Variants in CHRNA7 observed in about 807,000 individuals in gnomAD.
The protein encoded by CHRNA7 is neuronal acetylcholine receptor subunit alpha-7.
CHRNA7 carries 17 observed loss-of-function variants against 48.0 expected under a neutral mutation model. The ratio of observed to expected loss-of-function variants is 0.35; its 90% CI spans 0.24 to 0.53. The LOEUF is 0.53. CHRNA7 is among the 20% of genes least tolerant of loss of function. The pLI, the probability that CHRNA7 is intolerant of heterozygous loss-of-function variation, is 0.92. For synonymous variants in CHRNA7, 75 were observed against 242.3 expected (o/e 0.31, Z 6.41); for missense variants, 155 against 577.7 (o/e 0.27, Z 7.50).
intron 4 of CHRNA7, among the ~76,000 whole-genome samples, chr15:32,116,236 TCTCA>T (rs1313925709): frequency 6.6e-6 from 1 of 152,202 alleles, no homozygotes; most frequent in Non-Finnish European, 1.5e-5. Context: ...CTGTCCTATT[TCTCA>T]CTCTATTCTC....
intron 4 of CHRNA7, among the ~76,000 whole-genome samples, chr15:32,128,657 G>A (rs1292536181): frequency 6.6e-6 from 1 of 150,830 alleles, no homozygotes; most frequent in East Asian, 1.9e-4. Flanking sequence ...TTTTTTAATT[G>A]TTTTTGTTTT....
intron 2 of CHRNA7, among the ~76,000 whole-genome samples, chr15:32,032,556 A>G (rs1313902751): frequency 2.6e-5 from 4 of 152,218 alleles, no homozygotes; most frequent in Admixed American, 1.3e-4. Flanking sequence ...AACCACATGA[A>G]AAAGGACCAG....
At chr15:32,070,053 C>A (rs945542567) in intron 2 of CHRNA7, among the ~76,000 whole-genome samples, 1 of 151,962 alleles carries the variant, frequency 6.6e-6, no homozygotes, top group African/African-American at 2.4e-5. Flanking sequence ...GAATTATAAA[C>A]CTTTTTAAAA....
Position 32,061,129 on chromosome 15 carries a change from A to G in CHRNA7, c.195+30092A>G, listed in dbSNP as rs35376668. ...CTCCCGATGTTGTTGATTGGATACC[A>G]ATGCTGGCCAGATTCATGGTGCTTG... On this transcript the variant is annotated intron_variant, in intron 2 of 9. Transcript: ENST00000306901. Among the ~76,000 whole-genome samples the G allele has an allele frequency of 5.2e-3, 787 of 152,300 alleles. 6 individuals carry two copies. Among genetic ancestry groups the G allele is most frequent in the Middle Eastern group, 0.027 (8 of 294 alleles).
intron 2 of CHRNA7, among the ~76,000 whole-genome samples, chr15:32,089,688 T>C (rs985780865): frequency 1.3e-5 from 2 of 152,222 alleles, no homozygotes; most frequent in Non-Finnish European, 2.9e-5. Context: ...TTGTATCATA[T>C]CTAAGTCCTG....
At chr15:32,074,823 A>G (rs1038974518) in intron 2 of CHRNA7, among the ~76,000 whole-genome samples, 6 of 151,738 alleles carry the variant, frequency 4.0e-5, no homozygotes, top group African/African-American at 1.5e-4. Context: ...AATTTTTTGT[A>G]GTTTCATTAG....
intron 2 of CHRNA7, among the ~76,000 whole-genome samples, chr15:32,076,637 T>G (rs2050140184): frequency 6.6e-6 from 1 of 152,204 alleles, no homozygotes; most frequent in Non-Finnish European, 1.5e-5. Context: ...TAGAGCAGTT[T>G]TAGGTTTACA....
chr15:32,148,782 G>C (rs1239227098), intron 4 of CHRNA7, among the ~76,000 whole-genome samples: 2 of 152,220 alleles, frequency 1.3e-5, no homozygotes, highest in Non-Finnish European at 2.9e-5. Context: ...CAAACACCAT[G>C]ATCCAGGCAA....
chr15:32,069,934 C>A (rs1249990879), intron 2 of CHRNA7, among the ~76,000 whole-genome samples: 1 of 152,106 alleles, frequency 6.6e-6, no homozygotes, highest in Admixed American at 6.5e-5. Flanking sequence ...GAAAGTACTA[C>A]ATATGCTATT....
At position 32,149,092 on chromosome 15, in the gene CHRNA7, C is replaced by T. The variant is rs2141354018; in HGVS notation, c.351-4815C>T. ...CTGGCTGGGGGAGGACAAAGGCAGC[C>T]AGATAAAGGCAGCTCCTGCAAGGAC... On this transcript the variant is annotated intron_variant, in intron 4 of 9. Coordinates refer to ENST00000306901, the MANE Select transcript of CHRNA7 (RefSeq NM_000746.6). This position sits in a 1 kb window ranked among gnomAD's most constrained non-coding sequence, Gnocchi z 4.6. Among the ~76,000 whole-genome samples, 1 of 152,332 alleles carries T rather than the reference C, an allele frequency of 6.6e-6. No homozygotes were observed. Among genetic ancestry groups the T allele is most frequent in the South Asian group, 2.1e-4 (1 of 4,832 alleles).
rs1289693030 is a variant in CHRNA7 at position 32,137,037 on chromosome 15, A to AAATAAAAAAT, written c.351-16868_351-16867insTAAAAAATAA. Among the ~76,000 whole-genome samples, 848 of 146,602 alleles carry AAATAAAAAAT rather than the reference A, an allele frequency of 5.8e-3. 16 individuals are homozygous for AAATAAAAAAT. The highest frequency in any genetic ancestry group is 0.021 in the African/African-American group (805 of 38,598). On this transcript the variant is annotated intron_variant, in intron 4 of 9. Transcript: ENST00000306901. ...ACAGAGCGAGACTCCGTCTCAAAAAAAAAAAAAAAGAAAAAAAAAAGAAAA... is the reference window on the plus strand; with the variant it reads ...ACAGAGCGAGACTCCGTCTCAAAAAAAATAAAAAATAAAAAAAAAGAAAAAAAAAAGAAAA...
intron 4 of CHRNA7, among the ~76,000 whole-genome samples, chr15:32,129,721 G>T (rs1229374719): frequency 6.6e-6 from 1 of 150,960 alleles, no homozygotes; most frequent in African/African-American, 2.4e-5. Context: ...CCGTGTCAGT[G>T]ATTTTATACT....
chr15:32,038,349 A>T (rs2049388642), intron 2 of CHRNA7, among the ~76,000 whole-genome samples: 1 of 151,900 alleles, frequency 6.6e-6, no homozygotes, highest in Non-Finnish European at 1.5e-5. Context: ...TGTGATGAAT[A>T]GGAGTTGGAT....
intron 2 of CHRNA7, among the ~76,000 whole-genome samples, chr15:32,086,431 C>T (rs1035027210): frequency 4.0e-5 from 6 of 150,242 alleles, no homozygotes; most frequent in Non-Finnish European, 8.9e-5. Context: ...TAACAGCTAT[C>T]TTTAAAGAAA....
intron 4 of CHRNA7, chr15:32,153,262 A>G (rs2051669919): frequency 1.3e-5 from 2 of 151,930 alleles, no homozygotes; most frequent in African/African-American, 2.4e-5. Context: ...TCTACTAAAA[A>G]TACAAAAAAA....
chr15:32,082,435 A>G (rs771055996), intron 2 of CHRNA7, among the ~76,000 whole-genome samples: 2 of 151,826 alleles, frequency 1.3e-5, no homozygotes, highest in African/African-American at 2.4e-5. Flanking sequence ...TGTGTTCACA[A>G]TCTCCACCTG....
rs536234313 is a variant in CHRNA7 at position 32,102,804 on chromosome 15, T to C, written c.240+1457T>C. On this transcript the variant is annotated intron_variant, in intron 3 of 9. Coordinates refer to ENST00000306901, the MANE Select transcript of CHRNA7 (RefSeq NM_000746.6). ...GAGTAGTTGGACATGAAAGCCACTT[T>C]GTTAAAGCAATGTTACTCAATCTTT... is the stretch of plus-strand genomic sequence containing the variant. 3.6e-4 allele frequency: 55 copies of C among 152,350 alleles called. 1 individual carries two copies. Among genetic ancestry groups the C allele is most frequent in the African/African-American group, 1.3e-3 (54 of 41,580 alleles). The allele number at this position is 152,350 out of a possible 1,614,324, so 9.4% of individuals were successfully genotyped here.
At chr15:32,131,079 T>C (rs1369743588) in intron 4 of CHRNA7, among the ~76,000 whole-genome samples, 1 of 152,194 alleles carries the variant, frequency 6.6e-6, no homozygotes, top group Non-Finnish European at 1.5e-5. Flanking sequence ...CCCTTACGGA[T>C]CATTTTTCTC....
intron 2 of CHRNA7, among the ~76,000 whole-genome samples, chr15:32,050,014 C>T (rs931925995): frequency 5.9e-5 from 9 of 152,200 alleles, no homozygotes; most frequent in South Asian, 4.1e-4. Context: ...CCGAGAGATC[C>T]GCTGTTAGTC....
Sources: allele counts gnomAD v4.1 joint callset (sites outside exome capture counted in the v4.1 genomes callset), GRCh38; gene constraint gnomAD v4.1.1; non-coding constraint Gnocchi (gnomAD v3.1); transcripts MANE v1.5; gene names NCBI Gene and HGNC (gene_info 2026-07-23, HGNC 2026-07-21).